The following RPSA2 variants were observed in gnomAD, a reference collection of about 807,000 sequenced individuals.
RPSA2 encodes small ribosomal subunit protein uS2B.
At chr19:23,775,582 C>A in the RPSA2 span, among the ~76,000 whole-genome samples, 1 of 152,214 alleles carries the variant, frequency 6.6e-6, no homozygotes, top group African/African-American at 2.4e-5. Context: ...ACCCAGCCAA[C>A]AGTAAAGATT....
At chr19:23,851,623 C>A in the RPSA2 span, among the ~76,000 whole-genome samples, 1 of 152,038 alleles carries the variant, frequency 6.6e-6, no homozygotes, top group African/African-American at 2.4e-5. Context: ...TTTGGGGAAA[C>A]CCTGTAAGGC....
At chr19:23,870,685 GTC>G in the RPSA2 span, among the ~76,000 whole-genome samples, 1 of 152,118 alleles carries the variant, frequency 6.6e-6, no homozygotes, top group Non-Finnish European at 1.5e-5. Context: ...ATGTTGTTCT[GTC>G]TCTGTTTCCT....
At chr19:23,814,800 A>G in the RPSA2 span, among the ~76,000 whole-genome samples, 2 of 152,212 alleles carry the variant, frequency 1.3e-5, no homozygotes, top group Admixed American at 1.3e-4. Context: ...CAGAAAACAC[A>G]GTGTATAATT....
the RPSA2 span, among the ~76,000 whole-genome samples, chr19:23,763,716 C>T: frequency 6.6e-6 from 1 of 152,170 alleles, no homozygotes. Context: ...ATCCGCCAGC[C>T]TTGGCCCCCC....
At chr19:23,828,024 T>G in the RPSA2 span, 2 of 688,550 alleles carry the variant, frequency 2.9e-6, no homozygotes, top group Admixed American at 4.7e-5. Flanking sequence ...ACTGAATGGG[T>G]AGGAGCAACC....
chr19:23,792,583 T>G, the RPSA2 span, among the ~76,000 whole-genome samples: 1 of 11,512 alleles, frequency 8.7e-5, no homozygotes, highest in African/African-American at 1.6e-4. Context: ...TTTTTTGTTT[T>G]TGTTTTTGTT....
chr19:23,859,870 C>T, the RPSA2 span, among the ~76,000 whole-genome samples: 1 of 152,128 alleles, frequency 6.6e-6, no homozygotes, highest in Non-Finnish European at 1.5e-5. Flanking sequence ...ATTAGTAAAA[C>T]CCTGTTAGGG....
the RPSA2 span, among the ~76,000 whole-genome samples, chr19:23,768,690 C>A: frequency 6.9e-6 from 1 of 145,888 alleles, no homozygotes; most frequent in Non-Finnish European, 1.5e-5. Context: ...CAGGTTCAAG[C>A]GATTCTCCTG....
chr19:23,842,509 A>G, the RPSA2 span: 1 of 144,618 alleles, frequency 6.9e-6, no homozygotes, highest in African/African-American at 2.6e-5. Context: ...AATTCTGCCC[A>G]TGACCACTTG....
chr19:23,841,946 T>C, the RPSA2 span, among the ~76,000 whole-genome samples: 1 of 152,214 alleles, frequency 6.6e-6, no homozygotes, highest in African/African-American at 2.4e-5. Context: ...AGTTTCTCTT[T>C]GTTTATACTT....
the RPSA2 span, chr19:23,758,720 T>C: frequency 1.7e-3 from 2,694 of 1,614,124 alleles, 4 homozygotes; most frequent in Non-Finnish European, 2.0e-3. Flanking sequence ...TTCCCCTCTC[T>C]CGGGATGTCG....
At chr19:23,832,524 A>T in the RPSA2 span, 1 of 670,990 alleles carries the variant, frequency 1.5e-6, no homozygotes. Context: ...ACTATATATA[A>T]GATAATTCAT....
chr19:23,819,503 A>G, the RPSA2 span: 1 of 152,164 alleles, frequency 6.6e-6, no homozygotes, highest in Admixed American at 6.6e-5. Flanking sequence ...TATGGGTCCC[A>G]GTGTTGTTGG....
At chr19:23,848,064 T>C in the RPSA2 span, among the ~76,000 whole-genome samples, 1 of 152,178 alleles carries the variant, frequency 6.6e-6, no homozygotes, top group South Asian at 2.1e-4. Flanking sequence ...TGTTTTACAA[T>C]CAATTTGTAC....
the RPSA2 span, among the ~76,000 whole-genome samples, chr19:23,792,376 A>G: frequency 6.6e-6 from 1 of 152,172 alleles, no homozygotes; most frequent in Non-Finnish European, 1.5e-5. Context: ...TACTGAGAGA[A>G]ACTACAGAGC....
At chr19:23,856,921 G>T in the RPSA2 span, among the ~76,000 whole-genome samples, 1 of 152,136 alleles carries the variant, frequency 6.6e-6, no homozygotes, top group Non-Finnish European at 1.5e-5. Context: ...TGCACGTATT[G>T]TCTTGTTAAA....
the RPSA2 span, among the ~76,000 whole-genome samples, chr19:23,812,043 C>A: frequency 6.7e-4 from 102 of 152,264 alleles, 3 homozygotes; most frequent in South Asian, 0.021. Context: ...TACAGTCAAA[C>A]ATTGCAGTTA....
chr19:23,850,950 G>C, the RPSA2 span, among the ~76,000 whole-genome samples: 1 of 152,164 alleles, frequency 6.6e-6, no homozygotes, highest in Non-Finnish European at 1.5e-5. Flanking sequence ...AGGATTGTAA[G>C]GGATTCTGGT....
the RPSA2 span, chr19:23,758,884 G>A: frequency 1.6e-6 from 2 of 1,288,364 alleles, no homozygotes; most frequent in Non-Finnish European, 2.2e-6. Flanking sequence ...CGGGCTGAAG[G>A]GAGAGACAAA....
Sources: gnomAD v4.1 joint callset for allele counts (sites outside exome capture counted in the v4.1 genomes callset) on GRCh38, gnomAD v4.1.1 for gene constraint, MANE v1.5 for transcripts, NCBI Gene and HGNC (gene_info 2026-07-23, HGNC 2026-07-21) for gene names.